Variants in MLIP observed in about 807,000 individuals in gnomAD.
The protein encoded by MLIP is muscular LMNA interacting protein.
MLIP carries 79 observed loss-of-function variants against 84.8 expected under a neutral mutation model. The ratio of observed to expected loss-of-function variants is 0.93; its 90% CI spans 0.78 to 1.12. The LOEUF is 1.12. MLIP is among the 50% of genes most tolerant of loss of function. MLIP has a pLI of 0.00. For synonymous variants in MLIP, 504 were observed against 463.0 expected (o/e 1.09, Z -1.14); for missense variants, 1,257 against 1,160.6 (o/e 1.08, Z -1.21).
chr6:54,201,288 A>C lies in MLIP; in HGVS notation c.2590-817A>C, dbSNP rs183722155. ...CAAAAGTAAAGTTGAGTTAAATAAAAAGGTGTGTGTGTGAGGGAATCTGGT... is the reference window on the plus strand; with the variant it reads ...CAAAAGTAAAGTTGAGTTAAATAAACAGGTGTGTGTGTGAGGGAATCTGGT... On this transcript the variant is annotated intron_variant, in intron 10 of 13. Transcript: ENST00000502396. Among the ~76,000 whole-genome samples the C allele has an allele frequency of 2.6e-4, 40 of 152,310 alleles. No homozygotes were observed. The East Asian group carries it at 7.3e-3, about 28-fold the overall frequency.
chr6:54,182,498 C>T (rs2754799), intron 9 of MLIP, among the ~76,000 whole-genome samples: 147,628 of 152,270 alleles, frequency 0.97, 71,730 homozygotes, highest in East Asian at 1. Context: ...ACCTAATTTG[C>T]TTCTTGAGAG....
intron 1 of MLIP, among the ~76,000 whole-genome samples, chr6:54,082,651 A>C (rs552149056): frequency 6.6e-6 from 1 of 152,272 alleles, no homozygotes; most frequent in East Asian, 1.9e-4. Context: ...CTGTTGCTCC[A>C]CATTCTCACT....
intron 13 of MLIP, chr6:54,261,546 A>T: frequency 2.0e-6 from 2 of 979,674 alleles, no homozygotes; most frequent in Non-Finnish European, 2.4e-6. Context: ...GGTTTACAAC[A>T]TAACAATTCT....
intron 2 of MLIP, among the ~76,000 whole-genome samples, chr6:54,121,951 T>A (rs1245198534): frequency 6.6e-6 from 1 of 152,206 alleles, no homozygotes; most frequent in Non-Finnish European, 1.5e-5. Flanking sequence ...AGTGAGATAT[T>A]ATTATTTACA....
intron 1 of MLIP, among the ~76,000 whole-genome samples, chr6:54,098,292 C>A (rs761757423): frequency 6.7e-6 from 1 of 149,480 alleles, no homozygotes; most frequent in African/African-American, 2.5e-5. Context: ...ATAGCTAGGA[C>A]TACATGTGCA....
intron 3 of MLIP, among the ~76,000 whole-genome samples, chr6:54,127,669 C>T (rs1234083523): frequency 1.3e-5 from 2 of 151,946 alleles, no homozygotes; most frequent in East Asian, 3.9e-4. Flanking sequence ...CTTTTTGTCC[C>T]CTACAGTGGT....
intron 1 of MLIP, among the ~76,000 whole-genome samples, chr6:54,075,968 A>G (rs752299136): frequency 7.2e-5 from 11 of 152,064 alleles, no homozygotes; most frequent in Non-Finnish European, 1.5e-4. Flanking sequence ...GAACCATTTT[A>G]TTTTCTTTTT....
At chr6:54,112,056 C>T (rs1769512266) in intron 1 of MLIP, among the ~76,000 whole-genome samples, 1 of 152,128 alleles carries the variant, frequency 6.6e-6, no homozygotes, top group South Asian at 2.1e-4. Flanking sequence ...GATTTTAATC[C>T]TTTTATCTCA....
At chr6:54,098,148 CTTTTTTT>C (rs5876357) in intron 1 of MLIP, among the ~76,000 whole-genome samples, 2 of 123,858 alleles carry the variant, frequency 1.6e-5, no homozygotes, top group East Asian at 2.2e-4. Context: ...ATTTTTCTTT[CTTTTTTT>C]TTTTTTTTTT....
chr6:54,162,433 T>C (rs1774743039), intron 8 of MLIP, among the ~76,000 whole-genome samples: 2 of 152,012 alleles, frequency 1.3e-5, no homozygotes, highest in African/African-American at 4.8e-5. Context: ...AAACCCTTAT[T>C]TGCCATGGCA....
chr6:54,251,929 A>G (rs1458852066), intron 12 of MLIP, among the ~76,000 whole-genome samples: 2 of 86,086 alleles, frequency 2.3e-5, no homozygotes, highest in African/African-American at 6.0e-5. Flanking sequence ...ATATAAATAT[A>G]TATTATAACA....
At chr6:54,218,595 C>T (rs1780003612) in intron 11 of MLIP, among the ~76,000 whole-genome samples, 1 of 152,078 alleles carries the variant, frequency 6.6e-6, no homozygotes, top group Non-Finnish European at 1.5e-5. Flanking sequence ...TCTCGGCTCA[C>T]TGCAGCCTTC....
intron 10 of MLIP, among the ~76,000 whole-genome samples, chr6:54,191,139 A>G (rs1438101822): frequency 2.6e-5 from 4 of 152,062 alleles, no homozygotes; most frequent in Non-Finnish European, 4.4e-5. Context: ...CTAAAATTGT[A>G]AATTCCTGAA....
At position 54,121,443 on chromosome 6, in the gene MLIP, A is replaced by T. The variant is rs753813583; in HGVS notation, c.97-4A>T. 6.2e-7 allele frequency: 1 copy of T among 1,613,122 alleles called. No homozygotes were observed. Among genetic ancestry groups the T allele is most frequent in the Admixed American group, 1.7e-5 (1 of 59,942 alleles). ...GAAAGTCTAATTAACTACATGTCTC[A>T]TAGGTCTCTGCTGGTGGTTCTGAAG... is the stretch of plus-strand genomic sequence containing the variant. On this transcript the variant is annotated splice_polypyrimidine_tract_variant and splice_region_variant and intron_variant, in intron 1 of 13. Transcript: ENST00000502396.
chr6:54,180,580 T>G (rs955927707), intron 9 of MLIP, among the ~76,000 whole-genome samples: 1 of 152,236 alleles, frequency 6.6e-6, no homozygotes, highest in Non-Finnish European at 1.5e-5. Context: ...CCTTTGAGCT[T>G]ATTAATTCTT....
At chr6:54,046,537 T>C (rs992514337) in intron 1 of MLIP, 2 of 152,240 alleles carry the variant, frequency 1.3e-5, no homozygotes, top group Admixed American at 1.3e-4. Flanking sequence ...TAATAAGCCA[T>C]ATTTAATATC....
intron 1 of MLIP, among the ~76,000 whole-genome samples, chr6:54,091,000 C>T (rs1357373851): frequency 6.6e-6 from 1 of 151,974 alleles, no homozygotes; most frequent in East Asian, 1.9e-4. Context: ...GACATTTGGG[C>T]CAAATATATC....
At chr6:54,163,633 ACTTT>A (rs1310626874) in intron 8 of MLIP, among the ~76,000 whole-genome samples, 1 of 151,934 alleles carries the variant, frequency 6.6e-6, no homozygotes, top group South Asian at 2.1e-4. Context: ...AGCACTTTTC[ACTTT>A]CTACTTGTTT....
intron 13 of MLIP, among the ~76,000 whole-genome samples, chr6:54,264,536 T>C (rs183198613): frequency 2.6e-4 from 40 of 152,242 alleles, no homozygotes; most frequent in African/African-American, 7.9e-4. Flanking sequence ...CGTGAAGGTC[T>C]GCCTAAGTGT....
Sources: gnomAD v4.1 joint callset for allele counts (sites outside exome capture counted in the v4.1 genomes callset) on GRCh38, gnomAD v4.1.1 for gene constraint, MANE v1.5 for transcripts, NCBI Gene and HGNC (gene_info 2026-07-23, HGNC 2026-07-21) for gene names.